Variants in GRIK1 observed in about 807,000 individuals in gnomAD.
GRIK1 encodes glutamate ionotropic receptor kainate type subunit 1.
GRIK1 carries 69 observed loss-of-function variants against 105.7 expected under a neutral mutation model. The ratio of observed to expected loss-of-function variants is 0.65; its 90% CI spans 0.54 to 0.80. The LOEUF is 0.80. Ranked by LOEUF, GRIK1 falls within the 30% of genes least tolerant of loss-of-function variation. GRIK1 has a pLI of 0.00. For synonymous variants in GRIK1, 438 were observed against 431.3 expected, an observed-to-expected ratio of 1.02 and a Z score of -0.19; for missense variants, 1,109 against 1,167.3, an observed-to-expected ratio of 0.95 and a Z score of 0.73.
rs2063952709 is a variant in GRIK1, at chr21:29,707,725, A to G, written c.119-13662T>C. On this transcript the variant is annotated intron_variant, in intron 1 of 17. Coordinates refer to ENST00000327783, the MANE Select transcript of GRIK1 (RefSeq NM_001330994.2). ...GGCCAGGCTGGTCTCTTAGCTCCTG[A>G]GCTGCCTCGGCCTCCCAAAGTGCTG... Among the ~76,000 whole-genome samples the G allele has an allele frequency of 2.0e-5, 3 of 151,484 alleles. No homozygotes were observed. The South Asian group carries it at 6.3e-4, about 32-fold the overall frequency.
intron 2 of GRIK1, among the ~76,000 whole-genome samples, chr21:29,691,590 G>T (rs1473453385): frequency 2.0e-5 from 3 of 151,940 alleles, no homozygotes; most frequent in African/African-American, 7.3e-5. Context: ...ATCTTATGTT[G>T]GTAGGAATTA....
intron 1 of GRIK1, among the ~76,000 whole-genome samples, chr21:29,924,371 A>G (rs2071287772): frequency 6.6e-6 from 1 of 151,860 alleles, no homozygotes; most frequent in South Asian, 2.1e-4. Context: ...AAAGAAGGTT[A>G]GATGGAAGAA....
At chr21:29,870,727 A>G (rs140538381) in intron 1 of GRIK1, among the ~76,000 whole-genome samples, 1 of 152,148 alleles carries the variant, frequency 6.6e-6, no homozygotes, top group East Asian at 1.9e-4. Context: ...CTTTTTCCTA[A>G]ATCCAGTCTA....
chr21:29,589,970 A>G (rs2061309109), intron 10 of GRIK1, among the ~76,000 whole-genome samples: 1 of 151,998 alleles, frequency 6.6e-6, no homozygotes, highest in Admixed American at 6.6e-5. Context: ...CAAATCTCAC[A>G]TCTGGTCATT....
chr21:29,538,164 G>A (rs991660363), intron 16 of GRIK1, among the ~76,000 whole-genome samples: 14 of 151,740 alleles, frequency 9.2e-5, no homozygotes, highest in Non-Finnish European at 2.9e-5. Context: ...AACATAATTT[G>A]CTGTCATTTT....
intron 13 of GRIK1, among the ~76,000 whole-genome samples, chr21:29,579,375 A>T (rs552560456): frequency 3.3e-4 from 50 of 152,340 alleles, no homozygotes; most frequent in African/African-American, 1.2e-3. Context: ...GGATGAAATT[A>T]TACAAACATT....
At chr21:29,858,937 A>T (rs2068547387) in intron 1 of GRIK1, among the ~76,000 whole-genome samples, 1 of 148,780 alleles carries the variant, frequency 6.7e-6, no homozygotes, top group African/African-American at 2.5e-5. Flanking sequence ...AAGTGATACA[A>T]CATAAATTCT....
intron 1 of GRIK1, among the ~76,000 whole-genome samples, chr21:29,771,918 A>G (rs2065822680): frequency 6.6e-6 from 1 of 152,174 alleles, no homozygotes; most frequent in Non-Finnish European, 1.5e-5. Context: ...AGTTCTACCA[A>G]ATAAAAGATG....
intron 7 of GRIK1, among the ~76,000 whole-genome samples, chr21:29,602,279 A>G (rs947438927): frequency 2.0e-5 from 3 of 152,246 alleles, no homozygotes; most frequent in African/African-American, 7.2e-5. Context: ...CATAAAACAC[A>G]GTTGTTATAC....
intron 1 of GRIK1, among the ~76,000 whole-genome samples, chr21:29,723,986 T>A (rs1269862829): frequency 6.6e-6 from 1 of 152,214 alleles, no homozygotes; most frequent in Non-Finnish European, 1.5e-5. Flanking sequence ...CATGAACCAA[T>A]GTAATCAACA....
intron 14 of GRIK1, among the ~76,000 whole-genome samples, chr21:29,571,226 C>T (rs535490058): frequency 2.0e-5 from 3 of 151,960 alleles, no homozygotes; most frequent in African/African-American, 4.8e-5. Context: ...GGCATGGTGG[C>T]GGGTGCCTGT....
intron 1 of GRIK1, among the ~76,000 whole-genome samples, chr21:29,709,354 C>T (rs1318708628): frequency 6.8e-6 from 1 of 147,560 alleles, no homozygotes; most frequent in Admixed American, 6.8e-5. Flanking sequence ...AATCTCAACT[C>T]ACTGAAACCT....
intron 1 of GRIK1, among the ~76,000 whole-genome samples, chr21:29,894,026 G>T (rs747694572): frequency 6.6e-6 from 1 of 152,160 alleles, no homozygotes; most frequent in Non-Finnish European, 1.5e-5. Context: ...ACAGTCGGTG[G>T]TTGTTTTGTA....
chr21:29,757,824 C>T (rs1239599898), intron 1 of GRIK1, among the ~76,000 whole-genome samples: 2 of 152,224 alleles, frequency 1.3e-5, no homozygotes, highest in Non-Finnish European at 2.9e-5. Context: ...AATGCCAATA[C>T]TACCCCTTCC....
chr21:29,776,417 G>A (rs945695306), intron 1 of GRIK1, among the ~76,000 whole-genome samples: 1 of 152,190 alleles, frequency 6.6e-6, no homozygotes, highest in African/African-American at 2.4e-5. Flanking sequence ...AATTTGAATA[G>A]CTATAAAGTT....
chr21:29,875,982 CG>C (rs1201401454), intron 1 of GRIK1, among the ~76,000 whole-genome samples: 1 of 152,148 alleles, frequency 6.6e-6, no homozygotes. Flanking sequence ...AATGCAAGCA[CG>C]TGAGCTCCCA....
chr21:29,861,586 T>TG, intron 1 of GRIK1: 1 of 292,204 alleles, frequency 3.4e-6, no homozygotes, highest in South Asian at 2.3e-5. Context: ...GGATTATAGG[T>TG]GTGAGCCAAC....
chr21:29,765,671 G>A (rs1423006219), intron 1 of GRIK1, among the ~76,000 whole-genome samples: 2 of 151,974 alleles, frequency 1.3e-5, no homozygotes, highest in African/African-American at 4.8e-5. Flanking sequence ...GCTTCGAATG[G>A]GGACTAAGAG....
chr21:29,782,251 T>C (rs1400947322), intron 1 of GRIK1, among the ~76,000 whole-genome samples: 4 of 151,762 alleles, frequency 2.6e-5, no homozygotes, highest in Non-Finnish European at 1.5e-5. Context: ...CAAGCCTGGC[T>C]AATTTTTTGT....
Sources: allele counts gnomAD v4.1 joint callset (sites outside exome capture counted in the v4.1 genomes callset), GRCh38; gene constraint gnomAD v4.1.1; transcripts MANE v1.5; gene names NCBI Gene and HGNC (gene_info 2026-07-23, HGNC 2026-07-21).